Variants in CCDC148 observed in about 807,000 individuals in gnomAD.
The protein encoded by CCDC148 is coiled-coil domain-containing protein 148.
In CCDC148, 89 loss-of-function variants were observed where a neutral mutation model predicts 85.7. That is an observed-to-expected ratio of 1.04 (90% confidence interval 0.87 to 1.24). CCDC148 has a LOEUF of 1.24. CCDC148 is among the 50% of genes most tolerant of loss of function. CCDC148 has a pLI of 0.00. For synonymous variants in CCDC148, 230 were observed against 213.9 expected (o/e 1.08, Z -0.66); for missense variants, 692 against 671.7 (o/e 1.03, Z -0.33).
chr2:158,282,319 G>A (rs534907687), intron 9 of CCDC148, among the ~76,000 whole-genome samples: 89 of 152,300 alleles, frequency 5.8e-4, no homozygotes, highest in African/African-American at 1.7e-3. Context: ...ATTCAATTAG[G>A]AAAAGAGGAA....
chr2:158,333,836 G>T (rs1693277752), intron 7 of CCDC148, among the ~76,000 whole-genome samples: 1 of 151,976 alleles, frequency 6.6e-6, no homozygotes, highest in South Asian at 2.1e-4. Flanking sequence ...CTTGATTATG[G>T]TAAGTCTTGA....
At chr2:158,276,886 A>G (rs181628012) in intron 9 of CCDC148, among the ~76,000 whole-genome samples, 4 of 152,366 alleles carry the variant, frequency 2.6e-5, no homozygotes, top group African/African-American at 9.6e-5. Flanking sequence ...AATATGACAA[A>G]TAGAAAAAGT....
At chr2:158,452,350 C>T (rs1043152697) in intron 1 of CCDC148, among the ~76,000 whole-genome samples, 2 of 152,104 alleles carry the variant, frequency 1.3e-5, no homozygotes, top group South Asian at 2.1e-4. Context: ...TATGCATAAG[C>T]GTCCTCAAGA....
chr2:158,235,495 T>C (rs979403345), intron 10 of CCDC148, among the ~76,000 whole-genome samples: 1 of 152,184 alleles, frequency 6.6e-6, no homozygotes, highest in Non-Finnish European at 1.5e-5. Context: ...CTACTGAAAA[T>C]GCTATCCATT....
chr2:158,444,632 AT>A (rs1301764538), intron 1 of CCDC148, among the ~76,000 whole-genome samples: 1 of 151,466 alleles, frequency 6.6e-6, no homozygotes, highest in Admixed American at 6.6e-5. Flanking sequence ...AATAAACAAA[AT>A]TGGCCAGGCA....
intron 7 of CCDC148, among the ~76,000 whole-genome samples, chr2:158,324,612 G>T (rs1033625641): frequency 2.6e-5 from 4 of 152,042 alleles, no homozygotes; most frequent in Non-Finnish European, 5.9e-5. Flanking sequence ...AAGAGACAAA[G>T]AGTACTCACA....
At chr2:158,321,741 T>C (rs1191357657) in intron 7 of CCDC148, among the ~76,000 whole-genome samples, 2 of 152,212 alleles carry the variant, frequency 1.3e-5, no homozygotes, top group African/African-American at 4.8e-5. Flanking sequence ...AGCCACACAG[T>C]GTTTCTTGAG....
intron 1 of CCDC148, among the ~76,000 whole-genome samples, chr2:158,367,409 T>C (rs1684251421): frequency 6.6e-6 from 1 of 152,150 alleles, no homozygotes; most frequent in African/African-American, 2.4e-5. Flanking sequence ...GTTAGTTGTG[T>C]AGTTTTCTTT....
rs965621710 is a variant in CCDC148 at position 158,268,593 on chromosome 2, G to A, written c.1111-17681C>T. On this transcript the variant is annotated intron_variant, in intron 9 of 13. Transcript: ENST00000283233. ...CTCACCTAGTAACCCTTTTTGTTTT[G>A]TTTTGTGGTGAGAATATTCAAGCAC... Among the ~76,000 whole-genome samples, 3 of 151,864 alleles carry A rather than the reference G, an allele frequency of 2.0e-5. No individual in the cohort carries two copies. In the South Asian group the frequency reaches 6.2e-4, roughly 31 times the overall value.
chr2:158,330,039 G>A (rs12477143), intron 7 of CCDC148, among the ~76,000 whole-genome samples: 62,716 of 151,796 alleles, frequency 0.41, 13,560 homozygotes, highest in South Asian at 0.61. Context: ...AACTTCCAAC[G>A]CTATGTTGAA....
chr2:158,217,501 C>T (rs958269952), intron 11 of CCDC148, among the ~76,000 whole-genome samples: 1 of 151,734 alleles, frequency 6.6e-6, no homozygotes, highest in African/African-American at 2.4e-5. Context: ...CTCCTGGGTT[C>T]ACGCCATTCT....
At chr2:158,198,648 G>T (rs534326735) in intron 11 of CCDC148, among the ~76,000 whole-genome samples, 1 of 151,996 alleles carries the variant, frequency 6.6e-6, no homozygotes, top group African/African-American at 2.4e-5. Flanking sequence ...GAGAATACTT[G>T]AAATGGCTTC....
intron 1 of CCDC148, among the ~76,000 whole-genome samples, chr2:158,376,672 TAGAGGGAGGGAAAGGA>T (rs1684663583): frequency 6.6e-6 from 1 of 151,790 alleles, no homozygotes; most frequent in African/African-American, 2.4e-5. Context: ...AGATAAAGTT[TAGAGGGAGGGAAAGGA>T]AGAGGGAGGA....
At chr2:158,455,279 A>C (rs1299475330) in intron 1 of CCDC148, among the ~76,000 whole-genome samples, 1 of 152,096 alleles carries the variant, frequency 6.6e-6, no homozygotes, top group Non-Finnish European at 1.5e-5. Flanking sequence ...ATCCCTTCTC[A>C]ATTCTGAAAA....
chr2:158,398,567 C>G (rs1446678693), intron 1 of CCDC148, among the ~76,000 whole-genome samples: 2 of 152,086 alleles, frequency 1.3e-5, no homozygotes, highest in African/African-American at 4.8e-5. Context: ...TAAAGATGTT[C>G]TTTGAAACCA....
intron 1 of CCDC148, among the ~76,000 whole-genome samples, chr2:158,374,498 A>G: frequency 6.6e-6 from 1 of 151,942 alleles, no homozygotes; most frequent in East Asian, 1.9e-4. Flanking sequence ...GACTTCAAAC[A>G]ATACTACCCC....
At chr2:158,335,349 T>C (rs1034213863) in intron 7 of CCDC148, among the ~76,000 whole-genome samples, 3 of 152,202 alleles carry the variant, frequency 2.0e-5, no homozygotes, top group Non-Finnish European at 4.4e-5. Context: ...TTTTGCTTCC[T>C]CCATCAATCC....
intron 9 of CCDC148, among the ~76,000 whole-genome samples, chr2:158,252,661 T>C (rs1688841475): frequency 6.6e-6 from 1 of 151,704 alleles, no homozygotes; most frequent in Admixed American, 6.6e-5. Context: ...CAACAGATAC[T>C]GCTCTCTTCT....
intron 1 of CCDC148, among the ~76,000 whole-genome samples, chr2:158,383,015 A>G (rs906286511): frequency 2.6e-5 from 4 of 151,896 alleles, no homozygotes; most frequent in Non-Finnish European, 5.9e-5. Flanking sequence ...AAATGATGAC[A>G]TAGGCTGGGT....
Sources: gnomAD v4.1 joint callset for allele counts (sites outside exome capture counted in the v4.1 genomes callset) on GRCh38, gnomAD v4.1.1 for gene constraint, MANE v1.5 for transcripts, NCBI Gene and HGNC (gene_info 2026-07-23, HGNC 2026-07-21) for gene names.